Variants in AP4B1 observed in about 807,000 individuals in gnomAD.
AP4B1 encodes the protein adaptor related protein complex 4 subunit beta 1.
Under a neutral mutation model 76.5 loss-of-function variants are expected in AP4B1, and 49 were observed. That is an observed-to-expected ratio of 0.64 (90% CI 0.51 to 0.81). The LOEUF (loss-of-function observed/expected upper bound fraction) is 0.81, where lower values mean the gene tolerates loss of function less well. Ranked by LOEUF, AP4B1 falls within the 40% of genes least tolerant of loss-of-function variation. The probability of loss-of-function intolerance (pLI) is 0.00; values close to 1 mark genes in which losing one functional copy is unlikely to be tolerated. For synonymous variants in AP4B1, 330 were observed against 333.3 expected (o/e 0.99, Z 0.11); for missense variants, 911 against 904.9 (o/e 1.01, Z -0.09).
upstream of AP4B1, chr1:113,904,868 G>C (rs1258867351): frequency 1.4e-6 from 1 of 716,444 alleles, no homozygotes; most frequent in Non-Finnish European, 2.5e-6. Flanking sequence ...CCGTAGGGCC[G>C]GCACGCTGGC....
chr1:113,899,497 G>A (rs1437988948), intron 5 of AP4B1: 1 of 415,514 alleles, frequency 2.4e-6, no homozygotes, highest in Non-Finnish European at 3.6e-6. Flanking sequence ...AAAACTATGT[G>A]CCCTTTTGGC....
rs370101262 is a variant in AP4B1, at chr1:113,904,705, C to T, written c.13G>A (p.Gly5Ser). The T allele has an allele frequency of 4.9e-5, 79 of 1,612,226 alleles. No individual in the cohort carries two copies. The highest frequency in any genetic ancestry group is 6.4e-5 in the Non-Finnish European group (76 of 1,179,988). MPYL[G>S]SEDVVKELKK... is the part of the protein sequence containing the mutation. ...AGCTCCTTCACCACGTCCTCGGAGC[C>T]AAGGTACGGCATCTTCCTAAGAGTC... The change falls in exon 1 of 10, where the codon GGC (glycine) becomes AGC (serine). Residue 5 changes from glycine (G) to serine (S), a missense_variant. Transcript: ENST00000369569.
At chr1:113,903,005 A>T (rs1476766917) in intron 1 of AP4B1, 143 bp from the exon 2 acceptor site, 4 of 725,298 alleles carry the variant, frequency 5.5e-6, no homozygotes, top group Admixed American at 2.0e-5. Context: ...TGTCTATTAT[A>T]TCACACAGTA....
rs74361335 is a variant in AP4B1 at position 113,902,657 on chromosome 1, G to T, written c.319C>A (p.Arg107=). ...ACTCACCTGAGGCTACACATGCTCCGTAACGCCAGCCCTCGCACCATTGGA... is the reference window on the plus strand; with the variant it reads ...ACTCACCTGAGGCTACACATGCTCCTTAACGCCAGCCCTCGCACCATTGGA... ...PNPMVRGLAL[R]SMCSLRMPGV... is the part of the protein sequence containing the mutation. Residue 107 remains arginine, a synonymous_variant, in exon 2 of 10, where the codon CGG becomes AGG. Transcript: ENST00000369569. The T allele has an allele frequency of 1.2e-6, 2 of 1,613,172 alleles. No individual in the cohort carries two copies. Among genetic ancestry groups the T allele is most frequent in the Non-Finnish European group, 1.7e-6 (2 of 1,180,026 alleles).
At chr1:113,896,639 G>C (rs929317197) in intron 7 of AP4B1, 174 bp from the exon 8 acceptor site, 2 of 640,576 alleles carry the variant, frequency 3.1e-6, no homozygotes, top group Admixed American at 2.8e-5. Context: ...CAACAAATAG[G>C]AATGAAATTC....
Position 113,901,281 on chromosome 1 carries a change from C to T in AP4B1, c.572G>A (p.Gly191Glu). The T allele has an allele frequency of 6.2e-7, 1 of 1,614,132 alleles. No individual in the cohort carries two copies. ...AATGGGCTTATTGATGACAACGCCT[C>T]CTTCCTGTTTCAGAATTTCCTCTAG... ...RSLEEILKQE[G>E]GVVINKPIAH... The change falls in exon 4 of 10, where the codon GGA becomes GAA. Residue 191 changes from glycine (G) to glutamate (E), a missense_variant. Physicochemically the swap from Gly to Glu is moderately conservative, Grantham distance 98 (BLOSUM62 -2). Coordinates refer to ENST00000369569, the MANE Select transcript of AP4B1 (RefSeq NM_001253852.3).
At position 113,900,166 on chromosome 1, in the gene AP4B1, GGC is replaced by G. The variant is rs1378477918; in HGVS notation, c.850_851del (p.Ala284LeufsTer7). The stretch of plus-strand genomic sequence containing the variant: ...AGAGCTCACGGCTCTCTGAAGAACA[GGC>G]AGCTAGCAAAGGTCCCTTGACCCGC... Reference protein sequence around the residue: ...LVRVKGPLLAACSSESRELCF... With the variant: ...LVRVKGPLLAXCSSESRELCF... On this transcript the variant is annotated frameshift_variant, in exon 5 of 10. Transcript: ENST00000369569. LOFTEE classifies it high-confidence loss of function. The G allele has an allele frequency of 6.2e-7, 1 of 1,614,192 alleles. No individual in the cohort carries two copies.
rs1327239670 is a variant in AP4B1 at position 113,902,667 on chromosome 1, C to A, written c.309G>T (p.Gly103=). 1.2e-6 allele frequency: 2 copies of A among 1,613,520 alleles called. No individual in the cohort carries two copies. Among genetic ancestry groups the A allele is most frequent in the Non-Finnish European group, 1.7e-6 (2 of 1,180,038 alleles). Residue 103 remains glycine (G), a synonymous_variant, in exon 2 of 10, where the codon GGG becomes GGT. Coordinates refer to ENST00000369569, the MANE Select transcript of AP4B1 (RefSeq NM_001253852.3). ...GGCTACACATGCTCCGTAACGCCAG[C>A]CCTCGCACCATTGGATTGGGGTCTG... ...DCSDPNPMVR[G]LALRSMCSLR...
At chr1:113,903,992 T>C (rs923357795) in intron 1 of AP4B1, among the ~76,000 whole-genome samples, 3 of 152,204 alleles carry the variant, frequency 2.0e-5, no homozygotes, top group African/African-American at 7.2e-5. Context: ...TTCAGGTATG[T>C]ATAATGGAAA....
rs1406205626 is a variant in AP4B1 at position 113,895,379 on chromosome 1, G to A, written c.1906C>T (p.Leu636Phe). 1 of 1,614,206 alleles carries A rather than the reference G, an allele frequency of 6.2e-7. No homozygotes were observed. Among genetic ancestry groups the A allele is most frequent in the South Asian group, 1.1e-5 (1 of 91,086 alleles). ...TGCTGATGAGCAACTTTAAGGCTAA[G>A]CCAAGTTTTCTCAAAATAATCAGCA... The part of the protein sequence containing the change: ...LTADYFEKTW[L>F]SLKVAHQQVL... Residue 636 changes from leucine to phenylalanine, a missense_variant, in exon 10 of 10, where the codon CTT (leucine) becomes TTT (phenylalanine). Transcript: ENST00000369569.
intron 1 of AP4B1, among the ~76,000 whole-genome samples, chr1:113,903,512 G>T (rs372926406): frequency 6.6e-6 from 1 of 152,216 alleles, no homozygotes; most frequent in Non-Finnish European, 1.5e-5. Context: ...TGAGAATACC[G>T]TTAATTACAG....
chr1:113,904,495 T>G, intron 1 of AP4B1, 110 bp downstream of exon 1: 1 of 1,024,322 alleles, frequency 9.8e-7, no homozygotes, highest in East Asian at 2.4e-5. Context: ...CCGAACCATA[T>G]AACTGCCACG....
chr1:113,899,727 A>G, intron 5 of AP4B1, 177 bp downstream of exon 5: 2 of 1,065,752 alleles, frequency 1.9e-6, no homozygotes, highest in Non-Finnish European at 2.7e-6. Flanking sequence ...AAAAAAAAAC[A>G]AAAAACAAAA....
chr1:113,895,274 T>C lies in AP4B1; in HGVS notation c.2011A>G (p.Met671Val), dbSNP rs1362886937. Residue 671 changes from methionine to valine, a missense_variant, in exon 10 of 10, where the codon ATG (methionine) becomes GTG (valine). Met to Val is a conservative substitution (Grantham distance 21). Transcript: ENST00000369569. ...LQVVNIQTIAMSRAGSRPWKA... is the reference protein window; with the variant it reads ...LQVVNIQTIAVSRAGSRPWKA... The stretch of plus-strand genomic sequence containing the variant: ...CATGGCCGAGACCCAGCCCTACTCA[T>C]TGCGATGGTCTGGATGTTCACTACT... The C allele has an allele frequency of 6.2e-6, 10 of 1,614,062 alleles. No individual in the cohort carries two copies. Among genetic ancestry groups the C allele is most frequent in the South Asian group, 2.2e-5 (2 of 91,092 alleles).
At chr1:113,895,720 T>G in intron 9 of AP4B1, 37 bp downstream of exon 9, 1 of 1,613,202 alleles carries the variant, frequency 6.2e-7, no homozygotes, top group Non-Finnish European at 8.5e-7. Context: ...AGGTAAAGAT[T>G]TATCATGACA....
intron 4 of AP4B1, 60 bp downstream of exon 4, chr1:113,901,176 T>G (rs1217632371): frequency 6.3e-7 from 1 of 1,593,502 alleles, no homozygotes; most frequent in African/African-American, 1.3e-5. Context: ...CTTTAATACA[T>G]CAACAAGATC....
At position 113,895,539 on chromosome 1, in the gene AP4B1, G is replaced by A. The variant is rs770218447; in HGVS notation, c.1793-47C>T. The A allele has an allele frequency of 3.1e-6, 5 of 1,609,168 alleles. No individual in the cohort carries two copies. In the African/African-American group the frequency reaches 6.7e-5, roughly 22 times the overall value. On this transcript the variant is annotated intron_variant, in intron 9 of 9. Coordinates refer to ENST00000369569, the MANE Select transcript of AP4B1 (RefSeq NM_001253852.3). ...TGTGAAAGATGTTCTTAATCTGTAG[G>A]AGCTAAGTTTTTTATCCAAATTCCC...
chr1:113,903,255 G>A (rs1034225031), intron 1 of AP4B1, among the ~76,000 whole-genome samples: 3 of 152,120 alleles, frequency 2.0e-5, no homozygotes, highest in African/African-American at 7.2e-5. Context: ...TAGTAGAGAC[G>A]GGGTTTCTCC....
In AP4B1 at chr1:113,900,163, A is replaced by G; in HGVS notation, c.855T>C (p.Cys285=). ...VRVKGPLLAA[C]SSESRELCFV... The stretch of plus-strand genomic sequence containing the variant: ...AACAGAGCTCACGGCTCTCTGAAGA[A>G]CAGGCAGCTAGCAAAGGTCCCTTGA... Residue 285 remains cysteine (C), a synonymous_variant, in exon 5 of 10, where the codon TGT becomes TGC. Transcript: ENST00000369569. The G allele has an allele frequency of 6.2e-7, 1 of 1,614,258 alleles. No homozygotes were observed. Among genetic ancestry groups the G allele is most frequent in the African/African-American group, 1.3e-5 (1 of 75,066 alleles).
Sources: gnomAD v4.1 joint callset for allele counts (sites outside exome capture counted in the v4.1 genomes callset) on GRCh38, gnomAD v4.1.1 for gene constraint, MANE v1.5 for transcripts, NCBI Gene and HGNC (gene_info 2026-07-23, HGNC 2026-07-21) for gene names.